The following CPQ variants were observed in gnomAD, a reference collection of about 807,000 sequenced individuals.
The protein encoded by CPQ is Ser-Met dipeptidase.
In CPQ, 37 loss-of-function variants were observed where a neutral mutation model predicts 45.7. That is an observed-to-expected ratio of 0.81 (90% confidence interval 0.62 to 1.07). The LOEUF is 1.07. Among genes scored for constraint, CPQ ranks in the 50% least tolerant of loss-of-function variants. The probability of loss-of-function intolerance (pLI) is 0.00; values close to 1 mark genes in which losing one functional copy is unlikely to be tolerated. For missense variants in CPQ, 537 were observed against 572.9 expected, an observed-to-expected ratio of 0.94 and a Z score of 0.64; for synonymous variants, 186 against 205.8, an observed-to-expected ratio of 0.90 and a Z score of 0.82.
At chr8:96,717,039 A>T (rs573838310) in intron 1 of CPQ, among the ~76,000 whole-genome samples, 1 of 29,148 alleles carries the variant, frequency 3.4e-5, no homozygotes, top group African/African-American at 1.1e-4. Context: ...ATATATATAT[A>T]TATATATATA....
chr8:96,830,495 C>T (rs970405650), intron 2 of CPQ, among the ~76,000 whole-genome samples: 1 of 151,884 alleles, frequency 6.6e-6, no homozygotes, highest in African/African-American at 2.4e-5. Flanking sequence ...AAAAATTGAT[C>T]GGTTTTGAAA....
intron 5 of CPQ, among the ~76,000 whole-genome samples, chr8:97,028,377 A>T (rs1809836796): frequency 1.3e-5 from 2 of 152,188 alleles, no homozygotes; most frequent in Non-Finnish European, 2.9e-5. Context: ...GTGGCAGCAC[A>T]TATGTGGTTA....
intron 7 of CPQ, among the ~76,000 whole-genome samples, chr8:97,122,966 T>A (rs1286644754): frequency 1.9e-4 from 11 of 57,358 alleles, no homozygotes; most frequent in East Asian, 7.1e-4. Context: ...TAAAATAAAA[T>A]AAAATAAAAT....
At chr8:96,772,597 A>T (rs1810557664) in intron 1 of CPQ, among the ~76,000 whole-genome samples, 1 of 152,148 alleles carries the variant, frequency 6.6e-6, no homozygotes, top group Non-Finnish European at 1.5e-5. Flanking sequence ...TAAAATTTAA[A>T]GGACAGATGG....
chr8:96,854,860 C>T, intron 3 of CPQ, among the ~76,000 whole-genome samples: 1 of 152,188 alleles, frequency 6.6e-6, no homozygotes. Context: ...TGACGTTTTA[C>T]TTCAAATGCA....
chr8:96,741,506 C>A (rs994992658), intron 1 of CPQ, among the ~76,000 whole-genome samples: 6 of 151,870 alleles, frequency 4.0e-5, no homozygotes, highest in Admixed American at 1.3e-4. Flanking sequence ...TTATTTCTTG[C>A]CTTCTGCTAG....
intron 3 of CPQ, among the ~76,000 whole-genome samples, chr8:96,839,932 G>A (rs979664337): frequency 1.3e-5 from 2 of 152,154 alleles, no homozygotes; most frequent in Non-Finnish European, 2.9e-5. Context: ...TACTGAAGGA[G>A]AGACAGGTTC....
intron 7 of CPQ, among the ~76,000 whole-genome samples, chr8:97,109,756 T>C (rs1811468461): frequency 6.6e-6 from 1 of 152,172 alleles, no homozygotes. Context: ...TCCTACTGCC[T>C]TACCCGCTGT....
chr8:96,867,422 T>C (rs1812009425), intron 3 of CPQ, among the ~76,000 whole-genome samples: 1 of 152,028 alleles, frequency 6.6e-6, no homozygotes, highest in African/African-American at 2.4e-5. Flanking sequence ...AATAAGGCAA[T>C]ATTAAGCTGA....
chr8:96,679,507 T>G (rs1387412748), intron 1 of CPQ, among the ~76,000 whole-genome samples: 2 of 152,194 alleles, frequency 1.3e-5, no homozygotes, highest in African/African-American at 2.4e-5. Flanking sequence ...TTGTTAGTTC[T>G]TCTTCATGAG....
chr8:96,713,613 TG>T (rs1156975190), intron 1 of CPQ, among the ~76,000 whole-genome samples: 1 of 152,118 alleles, frequency 6.6e-6, no homozygotes. Context: ...AATAGAAGCA[TG>T]GGGGTAACTG....
At chr8:96,740,054 G>C (rs1267987690) in intron 1 of CPQ, among the ~76,000 whole-genome samples, 1 of 152,058 alleles carries the variant, frequency 6.6e-6, no homozygotes, top group Non-Finnish European at 1.5e-5. Context: ...ACCTTGGGCA[G>C]TATGGCCATT....
chr8:96,936,294 A>G (rs1813048916), intron 4 of CPQ, among the ~76,000 whole-genome samples: 1 of 152,212 alleles, frequency 6.6e-6, no homozygotes, highest in Non-Finnish European at 1.5e-5. Flanking sequence ...AGTTTTGCCT[A>G]ACATCTTTTA....
rs531369542 is a variant in CPQ, at chr8:97,114,510, T to G, written c.1256-28510T>G. Among the ~76,000 whole-genome samples the G allele has an allele frequency of 2.0e-5, 3 of 152,344 alleles. No individual in the cohort carries two copies. The East Asian group carries it at 5.8e-4, about 29-fold the overall frequency. ...CAGTAGGTGTTCAGTATTTTTTTAT[T>G]TTCCATTCTCTGTGTCCTTGTTTTG... On this transcript the variant is annotated intron_variant, in intron 7 of 7. Transcript: ENST00000220763.
intron 1 of CPQ, among the ~76,000 whole-genome samples, chr8:96,730,904 TA>T (rs1376237886): frequency 7.0e-6 from 1 of 142,300 alleles, no homozygotes; most frequent in Non-Finnish European, 1.5e-5. Context: ...CATTTTTTTT[TA>T]AAAAGATACA....
In CPQ at chr8:97,118,696, T is replaced by TGGCA. The variant is rs545371661; in HGVS notation, c.1256-24323_1256-24320dup. On this transcript the variant is annotated intron_variant, in intron 7 of 7. Coordinates refer to ENST00000220763, the MANE Select transcript of CPQ (RefSeq NM_016134.4). The stretch of plus-strand genomic sequence containing the variant: ...ATGTGTCATGATTTAGTACAAGGGT[T>TGGCA]GGCAAACTGTTGCTCTTGGATTAAG... Among the ~76,000 whole-genome samples the TGGCA allele has an allele frequency of 2.6e-4, 40 of 152,298 alleles. No homozygotes were observed. The South Asian group carries it at 8.1e-3, about 31-fold the overall frequency.
At chr8:96,803,326 A>T (rs576259568) in intron 2 of CPQ, among the ~76,000 whole-genome samples, 1 of 152,358 alleles carries the variant, frequency 6.6e-6, no homozygotes, top group Non-Finnish European at 1.5e-5. Context: ...CCACCAATTC[A>T]AATGCTGGAT....
chr8:97,112,827 A>G (rs1238538566), intron 7 of CPQ, among the ~76,000 whole-genome samples: 1 of 152,214 alleles, frequency 6.6e-6, no homozygotes, highest in Non-Finnish European at 1.5e-5. Context: ...ACGGAGAGGA[A>G]GGAGTAAAGG....
At chr8:96,807,902 T>C (rs1051719908) in intron 2 of CPQ, among the ~76,000 whole-genome samples, 3 of 152,174 alleles carry the variant, frequency 2.0e-5, no homozygotes, top group Non-Finnish European at 4.4e-5. Flanking sequence ...CCACTTCAGT[T>C]TGTCAAACAG....
Sources: allele counts gnomAD v4.1 joint callset (sites outside exome capture counted in the v4.1 genomes callset), GRCh38; gene constraint gnomAD v4.1.1; transcripts MANE v1.5; gene names NCBI Gene and HGNC (gene_info 2026-07-23, HGNC 2026-07-21).